Variants in SLC5A12 observed in about 807,000 individuals in gnomAD.
SLC5A12 encodes sodium-coupled monocarboxylate transporter 2.
In SLC5A12, 46 loss-of-function variants were observed where a neutral mutation model predicts 72.7. The observed-to-expected ratio is 0.63, with a 90% CI of 0.50 to 0.81. The LOEUF (loss-of-function observed/expected upper bound fraction) is 0.81. SLC5A12 is among the 30% of genes least tolerant of loss of function. The pLI, the probability that SLC5A12 is intolerant of heterozygous loss-of-function variation, is 0.00. For missense variants in SLC5A12, 683 were observed against 740.7 expected (o/e 0.92, Z 0.90); for synonymous variants, 275 against 264.4 (o/e 1.04, Z -0.39).
At chr11:26,705,897 A>G (rs1262141712) in intron 4 of SLC5A12, among the ~76,000 whole-genome samples, 1 of 150,574 alleles carries the variant, frequency 6.6e-6, no homozygotes, top group Non-Finnish European at 1.5e-5. Context: ...TCCTTCATAC[A>G]GCGAGTCCTC....
chr11:26,683,791 G>C lies in SLC5A12; in HGVS notation c.1274C>G (p.Ser425Cys). The C allele has an allele frequency of 2.5e-6, 4 of 1,597,718 alleles. No homozygotes were observed. In the South Asian group the frequency reaches 4.6e-5, roughly 18 times the overall value. ...CACAAAAGGGAACACGATTCCCAGG[G>C]AGAATAAGCCCAGCATTGGTCCTCC... ...MCGGPMLGLFSLGIVFPFVNW... is the reference protein window; with the variant it reads ...MCGGPMLGLFCLGIVFPFVNW... Residue 425 changes from serine to cysteine, a missense_variant, in exon 11 of 15, where the codon TCC (serine) becomes TGC (cysteine). Coordinates refer to ENST00000396005, the MANE Select transcript of SLC5A12 (RefSeq NM_178498.4).
intron 13 of SLC5A12, 27 bp from the exon 14 acceptor site, chr11:26,673,556 G>A (rs576622732): frequency 1.3e-6 from 2 of 1,574,310 alleles, no homozygotes; most frequent in Admixed American, 1.8e-5. Flanking sequence ...AAATAGATTA[G>A]ATGGTTGCAG....
intron 13 of SLC5A12, among the ~76,000 whole-genome samples, chr11:26,674,305 T>C (rs751007997): frequency 6.6e-6 from 1 of 151,506 alleles, no homozygotes; most frequent in Non-Finnish European, 1.5e-5. Context: ...GGTTACACTG[T>C]TGATCAAATT....
chr11:26,686,669 A>G, intron 9 of SLC5A12, 125 bp from the exon 10 acceptor site: 1 of 751,950 alleles, frequency 1.3e-6, no homozygotes, highest in Non-Finnish European at 2.2e-6. Context: ...AGCGAGGACC[A>G]TCCTCCCCAT....
chr11:26,711,366 A>G lies in SLC5A12; in HGVS notation c.406-8T>C, dbSNP rs756258349. The G allele has an allele frequency of 2.5e-6, 4 of 1,610,146 alleles. No individual in the cohort carries two copies. In the African/African-American group the frequency reaches 4.0e-5, roughly 16 times the overall value. The stretch of plus-strand genomic sequence containing the variant: ...CACTCCTGTGTAGAGAATCTGGTAG[A>G]GAAACAAGAATCAGATTGGCAGTGA... On this transcript the variant is annotated splice_region_variant and splice_polypyrimidine_tract_variant and intron_variant, in intron 2 of 14. Transcript: ENST00000396005.
intron 4 of SLC5A12, 103 bp downstream of exon 4, chr11:26,709,209 G>A: frequency 1.3e-6 from 1 of 773,364 alleles, no homozygotes; most frequent in South Asian, 2.3e-5. Context: ...GCTTAATTTT[G>A]GAATAACGAA....
At chr11:26,719,994 C>T (rs1197004699) in intron 1 of SLC5A12, among the ~76,000 whole-genome samples, 2 of 152,058 alleles carry the variant, frequency 1.3e-5, no homozygotes, top group Non-Finnish European at 2.9e-5. Flanking sequence ...CAGTACCTGT[C>T]TAAAAAAGAT....
rs1854050519 is a variant in SLC5A12 at position 26,668,480 on chromosome 11, G to C, written c.*2622C>G. ...CTTGTCACTGAACTGTCTTTGTACTGCACCAGTGGCCTTGGCATGACTCTG... is the reference window on the plus strand; with the variant it reads ...CTTGTCACTGAACTGTCTTTGTACTCCACCAGTGGCCTTGGCATGACTCTG... On this transcript the variant is annotated 3_prime_UTR_variant, in exon 15 of 15. Transcript: ENST00000396005. The C allele has an allele frequency of 2.0e-5, 3 of 152,094 alleles. No homozygotes were observed. The highest frequency in any genetic ancestry group is 2.0e-4 in the Admixed American group (3 of 15,230). 9.4% of individuals were successfully genotyped at this position (152,094 alleles called of 1,614,324 possible). A position where few individuals can be genotyped will look rare whatever the true frequency, so the allele number is the denominator to read the frequency against.
intron 4 of SLC5A12, among the ~76,000 whole-genome samples, chr11:26,705,245 G>A (rs1343770571): frequency 2.0e-5 from 3 of 151,966 alleles, no homozygotes; most frequent in African/African-American, 4.8e-5. Flanking sequence ...CAAGAAGAAG[G>A]AAGGAAAAAG....
chr11:26,721,144 T>C (rs1301533778), intron 1 of SLC5A12, among the ~76,000 whole-genome samples: 2 of 152,212 alleles, frequency 1.3e-5, no homozygotes, highest in African/African-American at 4.8e-5. Flanking sequence ...ACATAGAGGT[T>C]CTCATTTGAT....
chr11:26,685,611 A>C (rs1278203734), intron 10 of SLC5A12, among the ~76,000 whole-genome samples: 7 of 110,936 alleles, frequency 6.3e-5, no homozygotes, highest in Non-Finnish European at 1.2e-4. Flanking sequence ...CTGTCTCAAA[A>C]AAACAAACAA....
intron 8 of SLC5A12, among the ~76,000 whole-genome samples, chr11:26,696,081 CCT>C (rs1348083478): frequency 6.6e-6 from 1 of 152,154 alleles, no homozygotes; most frequent in African/African-American, 2.4e-5. Context: ...TCAGACTTCA[CCT>C]CTCTCTAGGA....
At chr11:26,699,770 A>C (rs1434290869) in intron 6 of SLC5A12, among the ~76,000 whole-genome samples, 1 of 151,990 alleles carries the variant, frequency 6.6e-6, no homozygotes, top group African/African-American at 2.4e-5. Context: ...CTCTCTTGTC[A>C]GTTTCTACTC....
chr11:26,721,515 A>G lies in SLC5A12; in HGVS notation c.200T>C (p.Val67Ala), dbSNP rs760455337. ...GTAGACTTCAGAAGGGGTCCCCAGG[A>G]CCGTGACAGCTGACATGAAGCTGGC... ...LTASFMSAVT[V>A]LGTPSEVYRF... is the part of the protein sequence containing the mutation. Residue 67 changes from valine to alanine, a missense_variant, in exon 1 of 15, where the codon GTC becomes GCC. Coordinates refer to ENST00000396005, the MANE Select transcript of SLC5A12 (RefSeq NM_178498.4). The G allele has an allele frequency of 6.2e-7, 1 of 1,614,130 alleles. No homozygotes were observed. The highest frequency in any genetic ancestry group is 1.1e-5 in the South Asian group (1 of 91,080).
intron 11 of SLC5A12, among the ~76,000 whole-genome samples, chr11:26,682,735 A>T (rs1854438471): frequency 6.6e-6 from 1 of 152,192 alleles, no homozygotes; most frequent in South Asian, 2.1e-4. Flanking sequence ...CAATGTTAAC[A>T]GTGCACTAAA....
chr11:26,721,229 A>G, intron 1 of SLC5A12, 147 bp downstream of exon 1: 1 of 653,234 alleles, frequency 1.5e-6, no homozygotes, highest in Non-Finnish European at 2.6e-6. Flanking sequence ...TCTGTCTCCA[A>G]AGCTTAGGCT....
intron 9 of SLC5A12, among the ~76,000 whole-genome samples, chr11:26,689,362 T>G (rs908390253): frequency 2.0e-5 from 3 of 152,010 alleles, no homozygotes; most frequent in Non-Finnish European, 4.4e-5. Context: ...ATCGCACCAC[T>G]GCATTCCAGC....
intron 13 of SLC5A12, among the ~76,000 whole-genome samples, chr11:26,676,680 A>T (rs555805174): frequency 1.3e-5 from 2 of 152,340 alleles, no homozygotes; most frequent in Non-Finnish European, 2.9e-5. Flanking sequence ...AAATTAAAAA[A>T]TAACTTTCAG....
intron 8 of SLC5A12, among the ~76,000 whole-genome samples, chr11:26,696,046 A>G (rs1347512706): frequency 6.6e-6 from 1 of 152,194 alleles, no homozygotes; most frequent in Non-Finnish European, 1.5e-5. Context: ...GGAGTTCCTT[A>G]AAGACCCTAT....
Sources: allele counts gnomAD v4.1 joint callset (sites outside exome capture counted in the v4.1 genomes callset), GRCh38; gene constraint gnomAD v4.1.1; transcripts MANE v1.5; gene names NCBI Gene and HGNC (gene_info 2026-07-23, HGNC 2026-07-21).